The following ASIC4 variants were observed in gnomAD, a reference collection of about 807,000 sequenced individuals.
The protein encoded by ASIC4 is acid-sensing ion channel 4.
ASIC4 carries 28 observed loss-of-function variants against 53.4 expected under a neutral mutation model. The ratio of observed to expected loss-of-function variants is 0.52; its 90% confidence interval spans 0.39 to 0.72. The LOEUF (loss-of-function observed/expected upper bound fraction) is 0.72. Ranked by LOEUF, ASIC4 falls within the 30% of genes least tolerant of loss-of-function variation. ASIC4 has a pLI of 0.00. For missense variants in ASIC4, 649 were observed against 729.7 expected (o/e 0.89, Z 1.27); for synonymous variants, 289 against 301.4 (o/e 0.96, Z 0.43).
rs1559121459 is a variant in ASIC4, at chr2:219,537,908, ACTCTCTCTT to A, written c.1507-24_1507-16del. 6.4e-7 allele frequency: 1 copy of A among 1,570,286 alleles called. No homozygotes were observed. The highest frequency in any genetic ancestry group is 1.8e-5 in the Admixed American group (1 of 56,212). On this transcript the variant is annotated splice_polypyrimidine_tract_variant and intron_variant, in intron 9 of 9. Coordinates refer to ENST00000358078, the MANE Select transcript of ASIC4 (RefSeq NM_018674.6). This position sits in a 1 kb window ranked among gnomAD's most constrained non-coding sequence, Gnocchi z 4.9. ...GCACCACTTGAGCTCTCCCGGTCCC[ACTCTCTCTT>A]TTCTTTCTCCTGCAGAGTCCCTGCC...
rs1694789189 is a variant in ASIC4 at position 219,516,378 on chromosome 2, G to T, written c.582+1072G>T. On this transcript the variant is annotated intron_variant, in intron 1 of 9. Transcript: ENST00000358078. This position sits in a 1 kb window ranked among gnomAD's most constrained non-coding sequence, Gnocchi z 4.9. ...ACACAAGCACCCTCTCCGGGAGAGG[G>T]GTGTGAGCTTGGGCTGCTCTGCCAT... Among the ~76,000 whole-genome samples, 1 of 152,054 alleles carries T rather than the reference G, an allele frequency of 6.6e-6. No homozygotes were observed. The highest frequency in any genetic ancestry group is 2.4e-5 in the African/African-American group (1 of 41,400).
Position 219,538,279 on chromosome 2 carries a change from G to C in ASIC4, c.*233G>C. On this transcript the variant is annotated 3_prime_UTR_variant, in exon 10 of 10. Coordinates refer to ENST00000358078, the MANE Select transcript of ASIC4 (RefSeq NM_018674.6). ...CGGGAGGGCTGGAGACCAGGCCATG[G>C]GCCCTCACGGAGAGGAAGGGAAGGA... The C allele has an allele frequency of 3.6e-6, 2 of 549,222 alleles. No individual in the cohort carries two copies. Among genetic ancestry groups the C allele is most frequent in the Non-Finnish European group, 3.2e-6 (1 of 309,774 alleles). The allele number at this position is 549,222 out of a possible 1,614,324, so 34.0% of individuals were successfully genotyped here. A position where few individuals can be genotyped will look rare whatever the true frequency, so the allele number is the denominator to read the frequency against.
chr2:219,536,983 A>G lies in ASIC4; in HGVS notation c.1230-83A>G. On this transcript the variant is annotated intron_variant, in intron 6 of 9. Coordinates refer to ENST00000358078, the MANE Select transcript of ASIC4 (RefSeq NM_018674.6). The surrounding 1 kb of genome is among the most constrained non-coding windows in gnomAD (Gnocchi z 4.6). ...CTTCCCCATGTAGTGATCTCTGATC[A>G]GGATCTGCTGGATCCAGGATGCCCC... 1.6e-6 allele frequency: 2 copies of G among 1,229,646 alleles called. No homozygotes were observed. The highest frequency in any genetic ancestry group is 2.4e-6 in the Non-Finnish European group (2 of 848,948). The allele number at this position is 1,229,646 out of a possible 1,614,324, so 76.2% of individuals were successfully genotyped here.
At position 219,529,580 on chromosome 2, in the gene ASIC4, TG is replaced by T. The variant is rs1357938705; in HGVS notation, c.583-2172del. Among the ~76,000 whole-genome samples the T allele has an allele frequency of 4.6e-5, 7 of 151,584 alleles. No homozygotes were observed. The East Asian group carries it at 1.4e-3, about 29-fold the overall frequency. On this transcript the variant is annotated intron_variant, in intron 1 of 9. Transcript: ENST00000358078. ...ATCCCGAGGTAGGCTAGGCTTGGAG[TG>T]GGGGGTGCCAGCAATGGTTTGCAGG...
chr2:219,512,950 GGT>G (rs1694720127), upstream of ASIC4, among the ~76,000 whole-genome samples: 2 of 152,206 alleles, frequency 1.3e-5, no homozygotes, highest in Admixed American at 1.3e-4. Flanking sequence ...TTGCAGCCAG[GGT>G]GGGCAAAGTG....
chr2:219,532,554 A>G, intron 4 of ASIC4, 77 bp downstream of exon 4: 1 of 1,538,380 alleles, frequency 6.5e-7, no homozygotes, highest in Non-Finnish European at 8.8e-7. Context: ...GGCACTGCTC[A>G]TGTGCACAGG....
chr2:219,525,007 C>T (rs6704759), intron 1 of ASIC4, among the ~76,000 whole-genome samples: 16,358 of 152,220 alleles, frequency 0.11, 1,148 homozygotes, highest in African/African-American at 0.2. Flanking sequence ...TTACCATTCC[C>T]CTTTTACAGA....
At chr2:219,528,969 A>C (rs1158319308) in intron 1 of ASIC4, among the ~76,000 whole-genome samples, 3 of 152,140 alleles carry the variant, frequency 2.0e-5, no homozygotes, top group Non-Finnish European at 2.9e-5. Flanking sequence ...CTTTCTACTC[A>C]CAGTGTGGCC....
Position 219,529,150 on chromosome 2 carries a change from G to A in ASIC4, c.583-2608G>A, listed in dbSNP as rs550852550. ...CTCCATTTCTTTCTCTGTAGAATGGGGAGATAATAGTACCCACCTCACAGG... is the reference window on the plus strand; with the variant it reads ...CTCCATTTCTTTCTCTGTAGAATGGAGAGATAATAGTACCCACCTCACAGG... On this transcript the variant is annotated intron_variant, in intron 1 of 9. Transcript: ENST00000358078. Among the ~76,000 whole-genome samples the A allele has an allele frequency of 3.3e-5, 5 of 152,328 alleles. No homozygotes were observed. The South Asian group carries it at 1.0e-3, about 32-fold the overall frequency.
At chr2:219,528,371 C>T (rs559068415) in intron 1 of ASIC4, among the ~76,000 whole-genome samples, 2 of 151,720 alleles carry the variant, frequency 1.3e-5, no homozygotes, top group East Asian at 3.9e-4. Context: ...CTACAGGAGC[C>T]CGCCACCACA....
chr2:219,514,261 GCCTGGC>G, upstream of ASIC4: 1 of 1,446,368 alleles, frequency 6.9e-7, no homozygotes, highest in Non-Finnish European at 9.1e-7. Flanking sequence ...CCCTCCCCTG[GCCTGGC>G]TCCTGACGCC....
chr2:219,534,923 C>T (rs1282712624), intron 5 of ASIC4, among the ~76,000 whole-genome samples: 1 of 152,088 alleles, frequency 6.6e-6, no homozygotes, highest in Non-Finnish European at 1.5e-5. Flanking sequence ...AGGACCCCCC[C>T]CCAGTCCCAG....
chr2:219,529,306 G>T (rs1171580678), intron 1 of ASIC4, among the ~76,000 whole-genome samples: 1 of 152,212 alleles, frequency 6.6e-6, no homozygotes, highest in East Asian at 1.9e-4. Context: ...AGGGAGGAGG[G>T]CAGGGGTGAT....
At chr2:219,507,359 C>T in the ASIC4 span, among the ~76,000 whole-genome samples, 1 of 152,222 alleles carries the variant, frequency 6.6e-6, no homozygotes. Context: ...CCCCACAGCC[C>T]GCTCTGCTCG....
intron 1 of ASIC4, among the ~76,000 whole-genome samples, chr2:219,520,749 A>C (rs1694871379): frequency 6.6e-6 from 1 of 152,130 alleles, no homozygotes; most frequent in African/African-American, 2.4e-5. Context: ...CATTTAGTTC[A>C]ACATCTGGTT....
chr2:219,513,611 G>C (rs907676), upstream of ASIC4, among the ~76,000 whole-genome samples: 98,824 of 151,942 alleles, frequency 0.65, 33,041 homozygotes, highest in East Asian at 0.84. Flanking sequence ...AGAGCACCCC[G>C]GAAGCACACC....
At position 219,538,193 on chromosome 2, in the gene ASIC4, T is replaced by A; in HGVS notation, c.*147T>A. 2.9e-6 allele frequency: 2 copies of A among 696,944 alleles called. No individual in the cohort carries two copies. Among genetic ancestry groups the A allele is most frequent in the South Asian group, 3.4e-5 (2 of 58,838 alleles). The allele number at this position is 696,944 out of a possible 1,614,324, so 43.2% of individuals were successfully genotyped here. On this transcript the variant is annotated 3_prime_UTR_variant, in exon 10 of 10. Transcript: ENST00000358078. ...CTGCTCTCATCCTCCCCTGCCCTGA[T>A]GTCAGCTGCTTTGCACAAAGGTCCT...
chr2:219,534,031 C>CAAAAAAAA (rs71266343), intron 5 of ASIC4: 18 of 64,850 alleles, frequency 2.8e-4, no homozygotes, highest in African/African-American at 9.7e-4. Context: ...TACCCTGTCT[C>CAAAAAAAA]AAAAAAAAAA....
At chr2:219,515,370 G>A (rs1694769539) in intron 1 of ASIC4, 64 bp downstream of exon 1, 1 of 1,549,428 alleles carries the variant, frequency 6.5e-7, no homozygotes, top group African/African-American at 1.3e-5. Flanking sequence ...GGGGAGGAGT[G>A]GTGGCAGTGG....
Sources: allele counts gnomAD v4.1 joint callset (sites outside exome capture counted in the v4.1 genomes callset), GRCh38; gene constraint gnomAD v4.1.1; non-coding constraint Gnocchi (gnomAD v3.1); transcripts MANE v1.5; gene names NCBI Gene and HGNC (gene_info 2026-07-23, HGNC 2026-07-21).